Variants in MAMDC2 observed in about 807,000 individuals in gnomAD.
MAMDC2 encodes MAM domain-containing protein 2.
In MAMDC2, 57 loss-of-function variants were observed where a neutral mutation model predicts 89.8. That is an observed-to-expected ratio of 0.63 (90% CI 0.51 to 0.79). The LOEUF (loss-of-function observed/expected upper bound fraction) is 0.79. MAMDC2 is among the 30% of genes least tolerant of loss of function. MAMDC2 has a pLI of 0.00. For missense variants in MAMDC2, 800 were observed against 820.6 expected, an observed-to-expected ratio of 0.97 and a Z score of 0.31; for synonymous variants, 313 against 293.4, an observed-to-expected ratio of 1.07 and a Z score of -0.68.
intron 9 of MAMDC2, among the ~76,000 whole-genome samples, chr9:70,160,581 G>A (rs1004257999): frequency 2.0e-5 from 3 of 152,170 alleles, no homozygotes; most frequent in African/African-American, 7.2e-5. Context: ...GTGAAAATGG[G>A]TGCAAGTGAA....
chr9:70,218,678 G>A (rs1047170014), intron 12 of MAMDC2, 82 bp downstream of exon 12: 2 of 1,462,552 alleles, frequency 1.4e-6, no homozygotes, highest in African/African-American at 1.4e-5. Flanking sequence ...CTACCAAAGA[G>A]AATATTTTGT....
intron 2 of MAMDC2, among the ~76,000 whole-genome samples, chr9:70,068,902 A>G (rs758303764): frequency 7.7e-4 from 117 of 152,192 alleles, no homozygotes; most frequent in Non-Finnish European, 1.3e-3. Flanking sequence ...AGACATTACA[A>G]TGCTGTAATG....
intron 11 of MAMDC2, among the ~76,000 whole-genome samples, chr9:70,176,346 TGTCTAAA>T (rs2032500830): frequency 6.6e-6 from 1 of 152,250 alleles, no homozygotes; most frequent in African/African-American, 2.4e-5. Flanking sequence ...AGTATTGCTT[TGTCTAAA>T]GAAAATAATT....
At chr9:70,070,636 C>T (rs1015947924) in intron 2 of MAMDC2, among the ~76,000 whole-genome samples, 2 of 152,162 alleles carry the variant, frequency 1.3e-5, no homozygotes, top group African/African-American at 4.8e-5. Context: ...GATCTTATAA[C>T]AATATATTTC....
At chr9:70,098,304 G>C (rs1247803206) in intron 2 of MAMDC2, among the ~76,000 whole-genome samples, 1 of 152,140 alleles carries the variant, frequency 6.6e-6, no homozygotes, top group East Asian at 1.9e-4. Flanking sequence ...AGTAATATTT[G>C]ATAGCATCCT....
At position 70,074,461 on chromosome 9, in the gene MAMDC2, C is replaced by T. The variant is rs536173583; in HGVS notation, c.148+29764C>T. Reference sequence around the variant, plus strand: ...TGGGCAATACCCTGAGGGTAAGTGGCTCTCTCACCTGGATGCCTCACCTGT... The same window carrying T: ...TGGGCAATACCCTGAGGGTAAGTGGTTCTCTCACCTGGATGCCTCACCTGT... On this transcript the variant is annotated intron_variant, in intron 2 of 13. Coordinates refer to ENST00000377182, the MANE Select transcript of MAMDC2 (RefSeq NM_153267.5). Among the ~76,000 whole-genome samples, 12 of 152,354 alleles carry T rather than the reference C, an allele frequency of 7.9e-5. No individual in the cohort carries two copies. In the South Asian group the frequency reaches 2.3e-3, roughly 29 times the overall value.
At position 70,226,125 on chromosome 9, in the gene MAMDC2, A is replaced by G; in HGVS notation, c.*93A>G. 2.8e-6 allele frequency: 2 copies of G among 713,438 alleles called. No individual in the cohort carries two copies. Among genetic ancestry groups the G allele is most frequent in the East Asian group, 5.7e-5 (2 of 35,236 alleles). The allele number at this position is 713,438 out of a possible 1,614,324, so 44.2% of individuals were successfully genotyped here. ...AAATGAATACTGGACAGTCTTAACAATTTTATAAGTTATAAAATGACTTTA... is the reference window on the plus strand; with the variant it reads ...AAATGAATACTGGACAGTCTTAACAGTTTTATAAGTTATAAAATGACTTTA... On this transcript the variant is annotated 3_prime_UTR_variant, in exon 14 of 14. Transcript: ENST00000377182.
At chr9:70,220,679 C>T (rs2033538675) in intron 12 of MAMDC2, among the ~76,000 whole-genome samples, 2 of 152,166 alleles carry the variant, frequency 1.3e-5, no homozygotes, top group South Asian at 4.1e-4. Flanking sequence ...GAATGAGAAC[C>T]AGATCTGCAT....
At chr9:70,212,579 G>A in intron 11 of MAMDC2, among the ~76,000 whole-genome samples, 1 of 152,180 alleles carries the variant, frequency 6.6e-6, no homozygotes, top group East Asian at 1.9e-4. Context: ...CGCTTTCCGG[G>A]TGAGGTGATG....
intron 9 of MAMDC2, among the ~76,000 whole-genome samples, chr9:70,160,606 T>TG (rs2118488910): frequency 1.3e-5 from 2 of 152,138 alleles, no homozygotes; most frequent in Admixed American, 1.3e-4. Flanking sequence ...AGGGTGTAGA[T>TG]GTGGATGTCG....
Position 70,131,516 on chromosome 9 carries a change from C to G in MAMDC2, c.901-3C>G. On this transcript the variant is annotated splice_polypyrimidine_tract_variant and splice_region_variant and intron_variant, in intron 6 of 13. Coordinates refer to ENST00000377182, the MANE Select transcript of MAMDC2 (RefSeq NM_153267.5). ...TGTGACAGCATGCCATTTTCCTCTG[C>G]AGGTTATTTTTGAAGTTGCTTTCAA... The G allele has an allele frequency of 6.3e-7, 1 of 1,591,198 alleles. No individual in the cohort carries two copies. Among genetic ancestry groups the G allele is most frequent in the Non-Finnish European group, 8.5e-7 (1 of 1,172,308 alleles).
intron 4 of MAMDC2, among the ~76,000 whole-genome samples, chr9:70,110,086 T>G (rs978443629): frequency 8.5e-5 from 13 of 152,192 alleles, no homozygotes; most frequent in Non-Finnish European, 4.4e-5. Flanking sequence ...CTCAACACAT[T>G]CTGATTAAAA....
chr9:70,101,901 C>T (rs1828206755), intron 2 of MAMDC2, among the ~76,000 whole-genome samples: 1 of 152,204 alleles, frequency 6.6e-6, no homozygotes, highest in Non-Finnish European at 1.5e-5. Context: ...GAAAATTATA[C>T]ATTGTCAAAA....
intron 2 of MAMDC2, among the ~76,000 whole-genome samples, chr9:70,059,433 GA>G (rs1387818156): frequency 6.6e-6 from 1 of 152,186 alleles, no homozygotes; most frequent in African/African-American, 2.4e-5. Flanking sequence ...AGCCACAGGA[GA>G]ATAATGACCT....
chr9:70,097,751 G>T (rs1245599707), intron 2 of MAMDC2, among the ~76,000 whole-genome samples: 2 of 152,180 alleles, frequency 1.3e-5, no homozygotes, highest in African/African-American at 2.4e-5. Context: ...TCCTCAGTAT[G>T]CTGGCTTCTG....
intron 2 of MAMDC2, among the ~76,000 whole-genome samples, chr9:70,072,811 T>A (rs939073549): frequency 2.6e-4 from 40 of 152,146 alleles, no homozygotes; most frequent in Non-Finnish European, 2.5e-4. Flanking sequence ...AAATTTTTTT[T>A]AAAAAAAGAT....
chr9:70,048,455 C>T (rs568038233), intron 2 of MAMDC2, among the ~76,000 whole-genome samples: 1 of 152,166 alleles, frequency 6.6e-6, no homozygotes, highest in South Asian at 2.1e-4. Flanking sequence ...TGTGCTACCA[C>T]CCCAGGCTAA....
chr9:70,170,922 G>GA (rs557424989), intron 11 of MAMDC2: 12 of 330,970 alleles, frequency 3.6e-5, no homozygotes, highest in African/African-American at 6.4e-5. Flanking sequence ...CAAAGTAGGG[G>GA]AAAAAATGGT....
chr9:70,112,918 G>C, intron 4 of MAMDC2, 77 bp from the exon 5 acceptor site: 1 of 1,564,970 alleles, frequency 6.4e-7, no homozygotes, highest in Non-Finnish European at 8.8e-7. Flanking sequence ...GAATATCTAA[G>C]AGCAAACTCT....
Sources: gnomAD v4.1 joint callset for allele counts (sites outside exome capture counted in the v4.1 genomes callset) on GRCh38, gnomAD v4.1.1 for gene constraint, MANE v1.5 for transcripts, NCBI Gene and HGNC (gene_info 2026-07-23, HGNC 2026-07-21) for gene names.